SLC4A4: variants seen among roughly 807,000 people sequenced by gnomAD.
SLC4A4 encodes the protein solute carrier family 4 member 4.
Under a neutral mutation model 111.5 loss-of-function variants are expected in SLC4A4, and 27 were observed. That is an observed-to-expected ratio of 0.24 (90% CI 0.18 to 0.33). The LOEUF (loss-of-function observed/expected upper bound fraction) is 0.33, where lower values mean the gene tolerates loss of function less well. Among genes scored for constraint, SLC4A4 ranks in the 10% least tolerant of loss-of-function variants. The pLI is 1.00. For missense variants in SLC4A4, 909 were observed against 1,315.5 expected, an observed-to-expected ratio of 0.69 and a Z score of 4.78; for synonymous variants, 443 against 463.4, an observed-to-expected ratio of 0.96 and a Z score of 0.57.
At chr4:71,389,614 A>G (rs763641541) in intron 6 of SLC4A4, among the ~76,000 whole-genome samples, 13 of 152,214 alleles carry the variant, frequency 8.5e-5, no homozygotes, top group Admixed American at 1.3e-4. Context: ...GCCAGCTACA[A>G]ACTTCTTACT....
intron 2 of SLC4A4, among the ~76,000 whole-genome samples, chr4:71,124,291 C>A (rs1004588064): frequency 6.6e-6 from 1 of 151,914 alleles, no homozygotes; most frequent in Non-Finnish European, 1.5e-5. Context: ...CCTGCCTCAG[C>A]CTTCTGAACA....
At chr4:71,205,013 G>A (rs1044237793) in intron 1 of SLC4A4, among the ~76,000 whole-genome samples, 1 of 152,218 alleles carries the variant, frequency 6.6e-6, no homozygotes, top group African/African-American at 2.4e-5. Context: ...GGGTGATGGT[G>A]TGACAGGACC....
intron 14 of SLC4A4, among the ~76,000 whole-genome samples, chr4:71,473,865 G>C (rs1728106819): frequency 6.6e-6 from 1 of 151,816 alleles, no homozygotes; most frequent in Admixed American, 6.6e-5. Flanking sequence ...AATAGGGACT[G>C]GGTGTGGTGT....
chr4:71,354,851 A>C (rs1730144717), intron 5 of SLC4A4, among the ~76,000 whole-genome samples: 1 of 152,142 alleles, frequency 6.6e-6, no homozygotes, highest in African/African-American at 2.4e-5. Flanking sequence ...TCTGCATAGC[A>C]AGAGGTTGAA....
chr4:71,492,934 T>G (rs901268309), intron 15 of SLC4A4, among the ~76,000 whole-genome samples: 3 of 152,002 alleles, frequency 2.0e-5, no homozygotes, highest in Admixed American at 1.3e-4. Context: ...CTGGGTTATA[T>G]TATTAGTTAA....
At position 71,115,249 on chromosome 4, in the gene SLC4A4, G is replaced by C. The variant is rs374922933; in HGVS notation, c.-2+22457G>C. ...ATACCTAATGCTAGATGACGAGTTAGTGGGTGCAGCACACCAGCATGGCAC... is the reference window on the plus strand; with the variant it reads ...ATACCTAATGCTAGATGACGAGTTACTGGGTGCAGCACACCAGCATGGCAC... On this transcript the variant is annotated intron_variant, in intron 2 of 26. Coordinates refer to the SLC4A4 transcript ENST00000649996. Among the ~76,000 whole-genome samples the C allele has an allele frequency of 4.6e-4, 69 of 151,134 alleles. No individual in the cohort carries two copies. In the East Asian group the frequency reaches 0.013, roughly 28 times the overall value.
At chr4:71,106,879 T>C (rs987810853) in intron 2 of SLC4A4, among the ~76,000 whole-genome samples, 1 of 149,662 alleles carries the variant, frequency 6.7e-6, no homozygotes, top group African/African-American at 2.5e-5. Context: ...CATATGTAAC[T>C]AACCTGCACA....
At chr4:71,193,570 G>T (rs963670660) in intron 1 of SLC4A4, among the ~76,000 whole-genome samples, 7 of 152,218 alleles carry the variant, frequency 4.6e-5, no homozygotes, top group African/African-American at 1.7e-4. Flanking sequence ...AGCATTGTGT[G>T]AGAGTATCAT....
At chr4:71,186,819 C>T (rs1377474829), upstream of SLC4A4, 1 of 152,240 alleles carries the variant, frequency 6.6e-6, no homozygotes, top group East Asian at 1.9e-4. Context: ...CGGCTTGCTC[C>T]CGAGGGGCGC....
At chr4:71,194,916 A>G (rs1745917495) in intron 1 of SLC4A4, among the ~76,000 whole-genome samples, 1 of 152,212 alleles carries the variant, frequency 6.6e-6, no homozygotes. Context: ...AAAGCAAACA[A>G]CATACACCTT....
chr4:71,411,475 T>G (rs774799388), intron 7 of SLC4A4, among the ~76,000 whole-genome samples: 10 of 152,170 alleles, frequency 6.6e-5, no homozygotes, highest in Non-Finnish European at 1.0e-4. Flanking sequence ...TAGTTGCCTA[T>G]TTTAATTTTT....
intron 7 of SLC4A4, among the ~76,000 whole-genome samples, chr4:71,424,965 G>A (rs542441071): frequency 8.1e-4 from 123 of 151,914 alleles, no homozygotes; most frequent in African/African-American, 2.1e-3. Context: ...CCTTGTGCAC[G>A]TGTACCCTAA....
intron 2 of SLC4A4, among the ~76,000 whole-genome samples, chr4:71,250,045 A>T (rs1720952663): frequency 6.6e-6 from 1 of 151,254 alleles, no homozygotes; most frequent in Non-Finnish European, 1.5e-5. Context: ...TTTAACTGAG[A>T]TTTTTTTTTG....
rs1737954619 is a variant in SLC4A4, at chr4:71,571,962, A to G, written c.*4211A>G. ...TAAAATTCCTATAACATAGTATTTTACAGTTTTATGAAGCTTTCTATTGTG... is the reference window on the plus strand; with the variant it reads ...TAAAATTCCTATAACATAGTATTTTGCAGTTTTATGAAGCTTTCTATTGTG... On this transcript the variant is annotated 3_prime_UTR_variant, in exon 26 of 26. Transcript: ENST00000264485. 1 of 152,316 alleles carries G rather than the reference A, an allele frequency of 6.6e-6. No individual in the cohort carries two copies. Among genetic ancestry groups the G allele is most frequent in the Non-Finnish European group, 1.5e-5 (1 of 67,894 alleles). 9.4% of individuals were successfully genotyped at this position (152,316 alleles called of 1,614,324 possible). A position where few individuals can be genotyped will look rare whatever the true frequency, so the allele number is the denominator to read the frequency against.
intron 3 of SLC4A4, among the ~76,000 whole-genome samples, chr4:71,258,215 A>G (rs1721597842): frequency 2.0e-5 from 3 of 152,028 alleles, no homozygotes; most frequent in Admixed American, 2.0e-4. Flanking sequence ...TGGTGCTAAA[A>G]CCTTTTCTGC....
At chr4:71,533,652 G>A (rs1020735310) in intron 17 of SLC4A4, among the ~76,000 whole-genome samples, 2 of 151,528 alleles carry the variant, frequency 1.3e-5, no homozygotes, top group Non-Finnish European at 2.9e-5. Flanking sequence ...TATTTCATAT[G>A]TAAAATAAGA....
chr4:71,126,532 T>A (rs1337034666), intron 2 of SLC4A4, among the ~76,000 whole-genome samples: 1 of 152,210 alleles, frequency 6.6e-6, no homozygotes, highest in African/African-American at 2.4e-5. Flanking sequence ...ATAGAACATG[T>A]GACTTTGCAT....
intron 3 of SLC4A4, among the ~76,000 whole-genome samples, chr4:71,299,079 A>G (rs1377282): frequency 0.031 from 4,702 of 152,276 alleles, 250 homozygotes; most frequent in African/African-American, 0.11. Flanking sequence ...TTTCAGAGAA[A>G]AGTTTTATCT....
At chr4:71,313,166 C>T (rs1002897655) in intron 3 of SLC4A4, among the ~76,000 whole-genome samples, 2 of 152,154 alleles carry the variant, frequency 1.3e-5, no homozygotes, top group Non-Finnish European at 2.9e-5. Context: ...CATGAGTGAA[C>T]TTTCATTCAC....
Sources: gnomAD v4.1 joint callset for allele counts (sites outside exome capture counted in the v4.1 genomes callset) on GRCh38, gnomAD v4.1.1 for gene constraint, MANE v1.5 for transcripts, NCBI Gene and HGNC (gene_info 2026-07-23, HGNC 2026-07-21) for gene names.